RBFOX1: variants seen among roughly 807,000 people sequenced by gnomAD.
RBFOX1 encodes RNA binding fox-1 homolog 1.
Under a neutral mutation model 57.7 loss-of-function variants are expected in RBFOX1, and 8 were observed. The ratio of observed to expected loss-of-function variants is 0.14; its 90% CI spans 0.08 to 0.25. The LOEUF (loss-of-function observed/expected upper bound fraction) is 0.25. Ranked by LOEUF, RBFOX1 falls within the 10% of genes least tolerant of loss-of-function variation. The pLI, the probability that RBFOX1 is intolerant of heterozygous loss-of-function variation, is 1.00. For synonymous variants in RBFOX1, 326 were observed against 222.4 expected (o/e 1.47, Z -4.15); for missense variants, 611 against 548.5 (o/e 1.11, Z -1.14).
intron 2 of RBFOX1, among the ~76,000 whole-genome samples, chr16:5,540,320 A>G (rs2044877787): frequency 6.6e-6 from 1 of 152,196 alleles, no homozygotes. Context: ...ATATGTTTGG[A>G]AAAAATTGGC....
intron 11 of RBFOX1, among the ~76,000 whole-genome samples, 194 bp downstream of exon 11, chr16:7,630,877 T>G (rs1195971036): frequency 2.0e-5 from 3 of 152,094 alleles, no homozygotes; most frequent in Non-Finnish European, 4.4e-5. Flanking sequence ...CTCTGTTAGA[T>G]CCGTCAGGAT....
chr16:5,394,460 C>G (rs2066494732), intron 1 of RBFOX1, among the ~76,000 whole-genome samples: 1 of 152,094 alleles, frequency 6.6e-6, no homozygotes, highest in African/African-American at 2.4e-5. Flanking sequence ...TATCATCTGG[C>G]TCTTCGCTTT....
intron 4 of RBFOX1, among the ~76,000 whole-genome samples, chr16:7,099,345 TCTC>T (rs2062252425): frequency 6.6e-6 from 1 of 152,176 alleles, no homozygotes; most frequent in East Asian, 1.9e-4. Flanking sequence ...TGTACCAGCT[TCTC>T]CTCGTAGGAT....
chr16:7,546,929 G>C (rs62009896), intron 5 of RBFOX1, among the ~76,000 whole-genome samples: 13,363 of 152,158 alleles, frequency 0.088, 783 homozygotes, highest in African/African-American at 0.17. Flanking sequence ...CTGGGTCAAA[G>C]AGTAAAAATG....
rs115418939 is a variant in RBFOX1 at position 7,213,393 on chromosome 16, G to A, written c.27+161295G>A. ...ATCAGTATTTCTTTAAGTTCCCAGT[G>A]TAATAGGCAGCCAGAGTTGAGAACC... On this transcript the variant is annotated intron_variant, in intron 4 of 15. Transcript: ENST00000550418. Among the ~76,000 whole-genome samples, 656 of 152,272 alleles carry A rather than the reference G, an allele frequency of 4.3e-3. 5 individuals carry two copies. The highest frequency in any genetic ancestry group is 0.014 in the African/African-American group (587 of 41,560).
intron 3 of RBFOX1, among the ~76,000 whole-genome samples, chr16:5,609,842 G>A (rs907100033): frequency 1.7e-4 from 26 of 151,968 alleles, no homozygotes; most frequent in African/African-American, 6.3e-4. Flanking sequence ...AGGGTAGGTG[G>A]GGGTGGGGAG....
At chr16:6,526,269 C>T (rs564603350) in intron 2 of RBFOX1, among the ~76,000 whole-genome samples, 3 of 152,302 alleles carry the variant, frequency 2.0e-5, no homozygotes, top group African/African-American at 7.2e-5. Flanking sequence ...TATTGGGTTT[C>T]CTATCGTGCT....
At chr16:6,993,502 C>G (rs772761747) in intron 3 of RBFOX1, among the ~76,000 whole-genome samples, 3 of 152,044 alleles carry the variant, frequency 2.0e-5, no homozygotes, top group South Asian at 4.1e-4. Flanking sequence ...ATTGAAGAAA[C>G]GGAATCTGTG....
At chr16:7,292,531 TACACAC>T (rs35731542) in intron 4 of RBFOX1, among the ~76,000 whole-genome samples, 7 of 139,062 alleles carry the variant, frequency 5.0e-5, no homozygotes, top group Non-Finnish European at 7.7e-5. Context: ...ACTATATGTA[TACACAC>T]ACACACACAC....
chr16:7,308,961 C>T (rs1423681869), intron 4 of RBFOX1, among the ~76,000 whole-genome samples: 1 of 152,160 alleles, frequency 6.6e-6, no homozygotes, highest in East Asian at 1.9e-4. Context: ...TTCTTTTTGG[C>T]TTAATCCCGT....
intron 3 of RBFOX1, among the ~76,000 whole-genome samples, chr16:6,715,096 G>T (rs947988810): frequency 5.3e-5 from 8 of 152,068 alleles, no homozygotes; most frequent in African/African-American, 1.7e-4. Context: ...CGGCAGCAGG[G>T]AGTGGTGAAT....
intron 11 of RBFOX1, among the ~76,000 whole-genome samples, chr16:7,643,184 A>C (rs2063139956): frequency 1.3e-5 from 2 of 152,194 alleles, no homozygotes; most frequent in South Asian, 4.1e-4. Flanking sequence ...TGATCAAAGA[A>C]TATTCATGTG....
Position 6,895,089 on chromosome 16 carries a change from TAAAG to T in RBFOX1, c.-15-156964_-15-156961del, listed in dbSNP as rs559656782. On this transcript the variant is annotated intron_variant, in intron 3 of 15. Transcript: ENST00000550418. ...ATCTTTAATAAATAATCTAATGACT[TAAAG>T]AAATAAAGTCTGGTCCTCTTTTCCA... 1.4e-4 allele frequency among the ~76,000 whole-genome samples: 21 copies of T among 152,152 alleles called. 1 individual carries two copies. The South Asian group carries it at 3.3e-3, about 24-fold the overall frequency.
intron 2 of RBFOX1, among the ~76,000 whole-genome samples, chr16:6,458,814 C>T (rs2094839399): frequency 6.6e-6 from 1 of 152,192 alleles, no homozygotes; most frequent in South Asian, 2.1e-4. Flanking sequence ...AGGACAAACA[C>T]ATCATATCAA....
chr16:5,299,097 C>G (rs917757164), intron 1 of RBFOX1, among the ~76,000 whole-genome samples: 2 of 150,812 alleles, frequency 1.3e-5, no homozygotes, highest in African/African-American at 4.9e-5. Flanking sequence ...CTGTCGCCTT[C>G]CAGGGGCAAC....
chr16:5,742,803 C>G (rs1428312274), intron 3 of RBFOX1, among the ~76,000 whole-genome samples: 3 of 152,126 alleles, frequency 2.0e-5, no homozygotes, highest in South Asian at 2.1e-4. Flanking sequence ...AGAAATGGGA[C>G]TAAAGGTAAG....
At position 5,311,327 on chromosome 16, in the gene RBFOX1, A is replaced by G. The variant is rs1157501477; in HGVS notation, c.219+71222A>G. Reference sequence around the variant, plus strand: ...GTCAATGGGCACATAGGTTGGTTCCATATCTTTGCAATTGTGAACTGTGCT... The same window carrying G: ...GTCAATGGGCACATAGGTTGGTTCCGTATCTTTGCAATTGTGAACTGTGCT... On this transcript the variant is annotated intron_variant, in intron 1 of 2. Coordinates refer to the RBFOX1 transcript ENST00000585867. Among the ~76,000 whole-genome samples the G allele has an allele frequency of 4.6e-5, 7 of 152,172 alleles. No individual in the cohort carries two copies. In the East Asian group the frequency reaches 7.7e-4, roughly 17 times the overall value.
At chr16:5,978,959 G>A (rs778346487) in intron 4 of RBFOX1, among the ~76,000 whole-genome samples, 4 of 152,324 alleles carry the variant, frequency 2.6e-5, no homozygotes, top group Middle Eastern at 6.8e-3. Context: ...GTTCCATGCT[G>A]TATTCTTTGT....
intron 3 of RBFOX1, among the ~76,000 whole-genome samples, chr16:5,728,428 G>A (rs906879200): frequency 7.9e-5 from 12 of 152,162 alleles, no homozygotes; most frequent in African/African-American, 2.9e-4. Context: ...TATTTGAAGG[G>A]ATTGATGGAC....
Sources: allele counts gnomAD v4.1 joint callset (sites outside exome capture counted in the v4.1 genomes callset), GRCh38; gene constraint gnomAD v4.1.1; transcripts MANE v1.5; gene names NCBI Gene and HGNC (gene_info 2026-07-23, HGNC 2026-07-21).